The following LZTFL1 variants were observed in gnomAD, a reference collection of about 807,000 sequenced individuals.
LZTFL1 encodes leucine zipper transcription factor like 1, also known as leucine zipper transcription factor-like protein 1.
Under a neutral mutation model 45.9 loss-of-function variants are expected in LZTFL1, and 25 were observed. The ratio of observed to expected loss-of-function variants is 0.54; its 90% confidence interval spans 0.40 to 0.76. The LOEUF (loss-of-function observed/expected upper bound fraction) is 0.76, where lower values mean the gene tolerates loss of function less well. Ranked by LOEUF, LZTFL1 falls within the 30% of genes least tolerant of loss-of-function variation. LZTFL1 has a pLI of 0.00. For missense variants in LZTFL1, 277 were observed against 331.1 expected, an observed-to-expected ratio of 0.84 and a Z score of 1.27; for synonymous variants, 93 against 117.4, an observed-to-expected ratio of 0.79 and a Z score of 1.35.
At chr3:45,903,164 A>C (rs201905151) in intron 2 of LZTFL1, 1 of 167,112 alleles carries the variant, frequency 6.0e-6, no homozygotes, top group Non-Finnish European at 1.5e-5. Flanking sequence ...TTAAAGATCA[A>C]ATAGATACAT....
At chr3:45,897,435 C>G in intron 2 of LZTFL1, 1 of 702,352 alleles carries the variant, frequency 1.4e-6, no homozygotes. Flanking sequence ...TCCAGCAGGA[C>G]ACAATGTCCT....
chr3:45,897,439 A>C, intron 2 of LZTFL1: 1 of 709,684 alleles, frequency 1.4e-6, no homozygotes, highest in East Asian at 2.7e-5. Flanking sequence ...GCAGGACACA[A>C]TGTCCTTGTC....
intron 2 of LZTFL1, among the ~76,000 whole-genome samples, chr3:45,870,106 C>A (rs1699333766): frequency 6.6e-6 from 1 of 152,238 alleles, no homozygotes; most frequent in South Asian, 2.1e-4. Context: ...TTCCAGGCAA[C>A]CCACTTTCTC....
intron 2 of LZTFL1, among the ~76,000 whole-genome samples, chr3:45,890,350 CAT>C (rs372514163): frequency 0.53 from 12,317 of 23,082 alleles, 3,393 homozygotes; most frequent in African/African-American, 0.63. Flanking sequence ...ATATATATAA[CAT>C]ATATATATAT....
At chr3:45,910,044 G>A (rs1275515951) in intron 2 of LZTFL1, among the ~76,000 whole-genome samples, 2 of 152,156 alleles carry the variant, frequency 1.3e-5, no homozygotes, top group Non-Finnish European at 2.9e-5. Flanking sequence ...GGAAGGTAGG[G>A]GCACTGTTCA....
At chr3:45,872,867 AAT>A (rs1701691356) in intron 2 of LZTFL1, among the ~76,000 whole-genome samples, 1 of 152,184 alleles carries the variant, frequency 6.6e-6, no homozygotes, top group Non-Finnish European at 1.5e-5. Flanking sequence ...GATGAGGAAC[AAT>A]GTTTGCCTGA....
intron 7 of LZTFL1, among the ~76,000 whole-genome samples, chr3:45,829,887 T>C (rs1038559088): frequency 3.9e-5 from 6 of 152,224 alleles, no homozygotes; most frequent in South Asian, 2.1e-4. Context: ...TCTATTGTCA[T>C]TGGCATATAA....
chr3:45,911,013 G>A (rs569544828), intron 2 of LZTFL1, among the ~76,000 whole-genome samples: 9 of 152,132 alleles, frequency 5.9e-5, no homozygotes, highest in East Asian at 1.9e-4. Context: ...CCCAGCACAC[G>A]GCAGCTTCAG....
At chr3:45,913,419 T>C (rs1055526953) in intron 1 of LZTFL1, among the ~76,000 whole-genome samples, 3 of 152,130 alleles carry the variant, frequency 2.0e-5, no homozygotes, top group South Asian at 2.1e-4. Context: ...ACCAATTAAA[T>C]TGAAACACAA....
At chr3:45,866,369 G>C (rs1387041616) in intron 2 of LZTFL1, among the ~76,000 whole-genome samples, 2 of 152,010 alleles carry the variant, frequency 1.3e-5, no homozygotes, top group Admixed American at 1.3e-4. Flanking sequence ...AAATGAAGAC[G>C]AAAAATTTAA....
intron 3 of LZTFL1, among the ~76,000 whole-genome samples, chr3:45,855,346 T>G (rs1377367896): frequency 6.6e-6 from 1 of 152,160 alleles, no homozygotes; most frequent in Non-Finnish European, 1.5e-5. Flanking sequence ...GAAAAGGCCT[T>G]CAATAAAATT....
At chr3:45,899,927 G>A (rs1702491958) in intron 2 of LZTFL1, among the ~76,000 whole-genome samples, 1 of 152,174 alleles carries the variant, frequency 6.6e-6, no homozygotes, top group Non-Finnish European at 1.5e-5. Context: ...GTGTGTGTGT[G>A]TATGCGCATA....
chr3:45,875,348 C>A (rs1405370649), intron 2 of LZTFL1, among the ~76,000 whole-genome samples: 1 of 152,138 alleles, frequency 6.6e-6, no homozygotes, highest in East Asian at 1.9e-4. Context: ...TTTGCAAATG[C>A]CTAGTGTGTT....
chr3:45,861,052 A>G lies in LZTFL1; in HGVS notation c.-214-2036T>C, dbSNP rs139329398. ...AAAATGAAATACCTCTATTCAGCACAGGGTCGAAGTACACTGGCCTTGTGC... is the reference window on the plus strand; with the variant it reads ...AAAATGAAATACCTCTATTCAGCACGGGGTCGAAGTACACTGGCCTTGTGC... On this transcript the variant is annotated intron_variant, in intron 2 of 4. Coordinates refer to the LZTFL1 transcript ENST00000472635. Among the ~76,000 whole-genome samples the G allele has an allele frequency of 3.3e-4, 50 of 152,216 alleles. 1 individual carries two copies. Among genetic ancestry groups the G allele is most frequent in the Middle Eastern group, 6.8e-3 (2 of 294 alleles).
At chr3:45,849,310 T>G (rs1174434051) in intron 4 of LZTFL1, among the ~76,000 whole-genome samples, 1 of 152,148 alleles carries the variant, frequency 6.6e-6, no homozygotes, top group African/African-American at 2.4e-5. Flanking sequence ...AGAGGGAACA[T>G]AGCAAACACG....
At chr3:45,881,973 A>G (rs542296280) in intron 2 of LZTFL1, among the ~76,000 whole-genome samples, 1 of 152,392 alleles carries the variant, frequency 6.6e-6, no homozygotes, top group East Asian at 1.9e-4. Flanking sequence ...GCTAATTCCA[A>G]TTAAATAACG....
At chr3:45,913,388 A>G (rs1299671607) in intron 1 of LZTFL1, among the ~76,000 whole-genome samples, 1 of 152,196 alleles carries the variant, frequency 6.6e-6, no homozygotes, top group Non-Finnish European at 1.5e-5. Context: ...TTAAAATGCA[A>G]ACAATAAAAT....
chr3:45,830,228 G>C (rs571998620), intron 7 of LZTFL1, among the ~76,000 whole-genome samples: 41 of 152,326 alleles, frequency 2.7e-4, no homozygotes, highest in Middle Eastern at 6.8e-3. Flanking sequence ...AGCCAATGCT[G>C]TACTGAATAT....
At chr3:45,893,158 T>TC (rs1491274457) in intron 2 of LZTFL1, among the ~76,000 whole-genome samples, 28 of 141,376 alleles carry the variant, frequency 2.0e-4, no homozygotes, top group East Asian at 6.0e-4. Context: ...TCTCTCTCTC[T>TC]TTTTTTTTTT....
Sources: allele counts gnomAD v4.1 joint callset (sites outside exome capture counted in the v4.1 genomes callset), GRCh38; gene constraint gnomAD v4.1.1; transcripts MANE v1.5; gene names NCBI Gene and HGNC (gene_info 2026-07-23, HGNC 2026-07-21).